The following GPR137B variants were observed in gnomAD, a reference collection of about 807,000 sequenced individuals.
GPR137B encodes the protein G protein-coupled receptor 137B, also known as integral membrane protein GPR137B.
Under a neutral mutation model 42.5 loss-of-function variants are expected in GPR137B, and 42 were observed. The ratio of observed to expected loss-of-function variants is 0.99; its 90% CI spans 0.77 to 1.28. The LOEUF is 1.28. GPR137B is among the 50% of genes most tolerant of loss of function. The pLI, the probability that GPR137B is intolerant of heterozygous loss-of-function variation, is 0.00. For synonymous variants in GPR137B, 218 were observed against 209.7 expected (o/e 1.04, Z -0.34); for missense variants, 487 against 493.9 (o/e 0.99, Z 0.13).
intron 4 of GPR137B, among the ~76,000 whole-genome samples, chr1:236,183,176 C>T (rs1662931527): frequency 6.6e-6 from 1 of 152,196 alleles, no homozygotes; most frequent in Admixed American, 6.5e-5. Context: ...TCATACCAAA[C>T]ACCTTAGGCT....
rs771508073 is a variant in GPR137B at position 236,179,881 on chromosome 1, C to T, written c.690C>T (p.Gly230=). The change falls in exon 4 of 7, where the codon GGC becomes GGT. Residue 230 remains glycine (G), a splice_region_variant and synonymous_variant. Transcript: ENST00000366592. ...SLANIYLESK[G]SSVCQVTAIG... Reference sequence around the variant, plus strand: ...ACCTTCTGCTCCCTCTTTTCCAGGGCTCCTCCGTGTGTCAAGTGACTGCCA... The same window carrying T: ...ACCTTCTGCTCCCTCTTTTCCAGGGTTCCTCCGTGTGTCAAGTGACTGCCA... 2 of 1,574,384 alleles carry T rather than the reference C, an allele frequency of 1.3e-6. No individual in the cohort carries two copies. Among genetic ancestry groups the T allele is most frequent in the Non-Finnish European group, 1.7e-6 (2 of 1,160,842 alleles).
At chr1:236,165,824 C>T (rs923297057) in intron 1 of GPR137B, among the ~76,000 whole-genome samples, 3 of 152,200 alleles carry the variant, frequency 2.0e-5, no homozygotes, top group Admixed American at 6.5e-5. Context: ...AATTTGATCA[C>T]GTGACATTTA....
intron 5 of GPR137B, among the ~76,000 whole-genome samples, chr1:236,185,144 T>A (rs772515468): frequency 6.2e-4 from 95 of 152,202 alleles, no homozygotes; most frequent in Non-Finnish European, 1.0e-3. Flanking sequence ...ATTATATTCT[T>A]AATATAGATG....
At chr1:236,158,181 T>G (rs1300084048) in intron 1 of GPR137B, among the ~76,000 whole-genome samples, 1 of 152,168 alleles carries the variant, frequency 6.6e-6, no homozygotes, top group Non-Finnish European at 1.5e-5. Flanking sequence ...CCCAACACTT[T>G]GAGAGGCTGA....
chr1:236,145,907 C>A (rs1217403845), intron 1 of GPR137B, among the ~76,000 whole-genome samples: 1 of 152,056 alleles, frequency 6.6e-6, no homozygotes, highest in African/African-American at 2.4e-5. Context: ...TGAGATAGAG[C>A]CTTGCTTTGT....
rs1221355285 is a variant in GPR137B, at chr1:236,150,181, TTGTG to T, written c.414+7151_414+7154del. Among the ~76,000 whole-genome samples, 1 of 135,458 alleles carries T rather than the reference TTGTG, an allele frequency of 7.4e-6. No homozygotes were observed. The highest frequency in any genetic ancestry group is 1.6e-5 in the Non-Finnish European group (1 of 62,114). 88.9% of individuals were successfully genotyped at this position (135,458 alleles called of 152,430 possible). On this transcript the variant is annotated intron_variant, in intron 1 of 6. Transcript: ENST00000366592. This position sits in a 1 kb window ranked among gnomAD's most constrained non-coding sequence, Gnocchi z 6.2. ...TGTGCATGTGTGTGCCCGTTTGTGT[TTGTG>T]TGTGTCTGTGTGCCTGTGTGTGTGT... is the stretch of plus-strand genomic sequence containing the variant.
chr1:236,203,234 C>T (rs1033114985), intron 5 of GPR137B, among the ~76,000 whole-genome samples: 15 of 152,146 alleles, frequency 9.9e-5, no homozygotes, highest in Non-Finnish European at 1.3e-4. Flanking sequence ...CCCCCCATTT[C>T]GCCCGGCTAA....
chr1:236,194,359 A>G (rs1386753125), intron 5 of GPR137B, among the ~76,000 whole-genome samples: 1 of 152,150 alleles, frequency 6.6e-6, no homozygotes, highest in Non-Finnish European at 1.5e-5. Flanking sequence ...ATGGTGTGAG[A>G]TAAGGATCCA....
At chr1:236,195,334 G>T (rs1663303706) in intron 5 of GPR137B, among the ~76,000 whole-genome samples, 1 of 151,466 alleles carries the variant, frequency 6.6e-6, no homozygotes, top group Non-Finnish European at 1.5e-5. Flanking sequence ...TTTGAGTTTA[G>T]ATCCCACAAA....
At chr1:236,169,209 T>TACA (rs1662454758) in intron 2 of GPR137B, among the ~76,000 whole-genome samples, 1 of 137,346 alleles carries the variant, frequency 7.3e-6, no homozygotes, top group Non-Finnish European at 1.5e-5. Flanking sequence ...CAGGTGCAGG[T>TACA]GCAGGTACAG....
intron 5 of GPR137B, among the ~76,000 whole-genome samples, chr1:236,195,814 T>C (rs1247326046): frequency 6.6e-6 from 1 of 152,216 alleles, no homozygotes; most frequent in Non-Finnish European, 1.5e-5. Context: ...TGAGGTAATA[T>C]CTCACTGTAG....
At chr1:236,180,539 G>A (rs1662840020) in intron 4 of GPR137B, among the ~76,000 whole-genome samples, 1 of 152,160 alleles carries the variant, frequency 6.6e-6, no homozygotes, top group Admixed American at 6.5e-5. Context: ...AAAACCAGGA[G>A]ATTACATATT....
At chr1:236,159,683 G>A (rs1484777727) in intron 1 of GPR137B, among the ~76,000 whole-genome samples, 2 of 152,120 alleles carry the variant, frequency 1.3e-5, no homozygotes, top group African/African-American at 2.4e-5. Context: ...AATCAGTGAC[G>A]CGTGAACAGA....
chr1:236,170,277 C>T (rs907786026), intron 2 of GPR137B, among the ~76,000 whole-genome samples: 28 of 152,072 alleles, frequency 1.8e-4, no homozygotes, highest in African/African-American at 6.3e-4. Context: ...AAATCGTATA[C>T]ATATTTTATT....
chr1:236,190,564 T>C (rs1159291037), intron 5 of GPR137B, among the ~76,000 whole-genome samples: 1 of 152,172 alleles, frequency 6.6e-6, no homozygotes, highest in Non-Finnish European at 1.5e-5. Flanking sequence ...TTGTCTATAA[T>C]GGATTTTATT....
chr1:236,172,056 AAGTG>A (rs1662551563), intron 2 of GPR137B, among the ~76,000 whole-genome samples: 1 of 152,084 alleles, frequency 6.6e-6, no homozygotes, highest in Non-Finnish European at 1.5e-5. Context: ...AAAAAAAAAA[AAGTG>A]AGATGTTTAG....
chr1:236,173,851 C>G (rs1662614918), intron 2 of GPR137B, among the ~76,000 whole-genome samples: 1 of 152,138 alleles, frequency 6.6e-6, no homozygotes, highest in African/African-American at 2.4e-5. Flanking sequence ...CCCTTTCTAC[C>G]ACAGCTGCAG....
chr1:236,147,289 C>T (rs981869421), intron 1 of GPR137B, among the ~76,000 whole-genome samples: 1 of 152,218 alleles, frequency 6.6e-6, no homozygotes, highest in East Asian at 1.9e-4. Flanking sequence ...GCCAGCGTGT[C>T]GGCCTCTGGT....
intron 1 of GPR137B, among the ~76,000 whole-genome samples, chr1:236,161,465 C>T (rs561863940): frequency 1.3e-5 from 2 of 152,246 alleles, no homozygotes; most frequent in African/African-American, 2.4e-5. Flanking sequence ...ATCACATCTC[C>T]TCACACCTCC....
Sources: allele counts gnomAD v4.1 joint callset (sites outside exome capture counted in the v4.1 genomes callset), GRCh38; gene constraint gnomAD v4.1.1; non-coding constraint Gnocchi (gnomAD v3.1); transcripts MANE v1.5; gene names NCBI Gene and HGNC (gene_info 2026-07-23, HGNC 2026-07-21).